EPB41L4B: variants seen among roughly 807,000 people sequenced by gnomAD.
EPB41L4B encodes the protein erythrocyte membrane protein band 4.1 like 4B.
Under a neutral mutation model 112.5 loss-of-function variants are expected in EPB41L4B, and 30 were observed. The observed-to-expected ratio is 0.27, with a 90% confidence interval of 0.20 to 0.36. The LOEUF (loss-of-function observed/expected upper bound fraction) is 0.36. Among genes scored for constraint, EPB41L4B ranks in the 10% least tolerant of loss-of-function variants. The pLI, the probability that EPB41L4B is intolerant of heterozygous loss-of-function variation, is 1.00. For synonymous variants in EPB41L4B, 408 were observed against 439.7 expected, an observed-to-expected ratio of 0.93 and a Z score of 0.90; for missense variants, 1,024 against 1,133.3, an observed-to-expected ratio of 0.90 and a Z score of 1.38.
chr9:109,182,933 G>A (rs2118621367), intron 23 of EPB41L4B, 136 bp from the exon 24 acceptor site: 1 of 657,162 alleles, frequency 1.5e-6, no homozygotes, highest in East Asian at 2.7e-5. Flanking sequence ...TCGTGTAAGG[G>A]CACATACAAA....
At chr9:109,306,545 G>A (rs1026668583) in intron 1 of EPB41L4B, among the ~76,000 whole-genome samples, 28 of 152,080 alleles carry the variant, frequency 1.8e-4, no homozygotes, top group African/African-American at 6.3e-4. Context: ...CCTGGGAGGC[G>A]GAGGTTGCAG....
chr9:109,249,149 T>C (rs1328401599), intron 13 of EPB41L4B, among the ~76,000 whole-genome samples: 1 of 151,344 alleles, frequency 6.6e-6, no homozygotes, highest in Non-Finnish European at 1.5e-5. Flanking sequence ...TGAAATCAAG[T>C]GTTATTGCTG....
intron 15 of EPB41L4B, among the ~76,000 whole-genome samples, 187 bp from the exon 16 acceptor site, chr9:109,217,332 G>A (rs1242051894): frequency 6.6e-6 from 1 of 152,166 alleles, no homozygotes; most frequent in Non-Finnish European, 1.5e-5. Context: ...GTGGAAGTTT[G>A]TATATATCAG....
intron 1 of EPB41L4B, among the ~76,000 whole-genome samples, chr9:109,285,280 C>A (rs1836229248): frequency 6.6e-6 from 1 of 152,182 alleles, no homozygotes; most frequent in South Asian, 2.1e-4. Flanking sequence ...TTCCAAATCT[C>A]ACTTTTCTGA....
intron 1 of EPB41L4B, among the ~76,000 whole-genome samples, chr9:109,296,759 T>C (rs1401344389): frequency 2.0e-5 from 3 of 151,816 alleles, no homozygotes; most frequent in Non-Finnish European, 4.4e-5. Flanking sequence ...TGGTGGCACA[T>C]ATCTGTAGCC....
intron 19 of EPB41L4B, 63 bp from the exon 20 acceptor site, chr9:109,200,397 A>T: frequency 7.8e-7 from 1 of 1,279,158 alleles, no homozygotes; most frequent in Non-Finnish European, 1.1e-6. Context: ...CGTTTTAGCC[A>T]TAGGGACTGC....
At chr9:109,313,362 AAATT>A (rs1376851670) in intron 1 of EPB41L4B, among the ~76,000 whole-genome samples, 1 of 152,244 alleles carries the variant, frequency 6.6e-6, no homozygotes, top group Non-Finnish European at 1.5e-5. Flanking sequence ...GGGACTAGTA[AAATT>A]AATCTAGCTC....
In EPB41L4B at chr9:109,243,665, A is replaced by G. The variant is rs905500656; in HGVS notation, c.1362T>C (p.Asn454=). The change falls in exon 15 of 26, where the codon AAT becomes AAC. Residue 454 remains asparagine, a synonymous_variant. Transcript: ENST00000374566. ...VHNYQPQYHP[N]IHPSQPRWHP... is the part of the protein sequence containing the mutation. ...GCCACCGGGGCTGGCTGGGATGGAT[A>G]TTAGGATGATATTGAGGCTAGAAAT... 1 of 1,614,212 alleles carries G rather than the reference A, an allele frequency of 6.2e-7. No individual in the cohort carries two copies. Among genetic ancestry groups the G allele is most frequent in the East Asian group, 2.2e-5 (1 of 44,890 alleles).
At chr9:109,297,900 A>G (rs1212283718) in intron 1 of EPB41L4B, among the ~76,000 whole-genome samples, 2 of 152,222 alleles carry the variant, frequency 1.3e-5, no homozygotes, top group African/African-American at 4.8e-5. Flanking sequence ...AAGCACATGA[A>G]CTTTTTTCCT....
intron 1 of EPB41L4B, among the ~76,000 whole-genome samples, chr9:109,314,246 G>C (rs1203850472): frequency 6.6e-6 from 1 of 152,258 alleles, no homozygotes; most frequent in African/African-American, 2.4e-5. Context: ...AGGACAAATG[G>C]TAGGCGGAGG....
intron 15 of EPB41L4B, among the ~76,000 whole-genome samples, chr9:109,243,095 C>T (rs185058942): frequency 6.7e-6 from 1 of 149,958 alleles, no homozygotes; most frequent in Non-Finnish European, 1.5e-5. Flanking sequence ...ACAGCGACCA[C>T]AAAGCAGAAT....
At chr9:109,227,701 C>A (rs1047100505) in intron 15 of EPB41L4B, among the ~76,000 whole-genome samples, 26 of 152,032 alleles carry the variant, frequency 1.7e-4, no homozygotes, top group African/African-American at 6.3e-4. Flanking sequence ...CCTGCCTCAG[C>A]CTCTTGAGTA....
At chr9:109,211,483 T>A (rs1487596820) in intron 17 of EPB41L4B, among the ~76,000 whole-genome samples, 1 of 150,266 alleles carries the variant, frequency 6.7e-6, no homozygotes, top group East Asian at 2.0e-4. Context: ...TAATCTCAGC[T>A]ACTTGGGAGG....
intron 13 of EPB41L4B, 32 bp from the exon 14 acceptor site, chr9:109,247,821 AAAAAG>A: frequency 6.9e-7 from 1 of 1,456,356 alleles, no homozygotes; most frequent in South Asian, 1.4e-5. Context: ...AAACAGAAAA[AAAAAG>A]AAAAATAGGT....
At chr9:109,174,939 T>C (rs976308202) in intron 25 of EPB41L4B, among the ~76,000 whole-genome samples, 2 of 123,080 alleles carry the variant, frequency 1.6e-5, no homozygotes, top group Admixed American at 2.0e-4. Flanking sequence ...TTTTTTGAGA[T>C]GGAGTCTCAC....
At chr9:109,190,204 G>A (rs962739884) in intron 22 of EPB41L4B, among the ~76,000 whole-genome samples, 2 of 152,194 alleles carry the variant, frequency 1.3e-5, no homozygotes, top group African/African-American at 4.8e-5. Context: ...CCAGGATAGT[G>A]GTGGGGCCTC....
chr9:109,240,033 A>T, intron 15 of EPB41L4B: 1 of 985,154 alleles, frequency 1.0e-6, no homozygotes, highest in East Asian at 1.1e-4. Flanking sequence ...TGCTCCACCC[A>T]CCTAACTGAA....
intron 2 of EPB41L4B, among the ~76,000 whole-genome samples, chr9:109,278,197 A>G (rs532055317): frequency 6.6e-6 from 1 of 152,084 alleles, no homozygotes; most frequent in South Asian, 2.1e-4. Flanking sequence ...CGGTGGACGG[A>G]GTGAGAGTCT....
chr9:109,314,687 A>T (rs1837568666), intron 1 of EPB41L4B, among the ~76,000 whole-genome samples: 1 of 152,062 alleles, frequency 6.6e-6, no homozygotes, highest in African/African-American at 2.4e-5. Context: ...ATCCAAAAAT[A>T]ACACAAACTC....
Sources: gnomAD v4.1 joint callset for allele counts (sites outside exome capture counted in the v4.1 genomes callset) on GRCh38, gnomAD v4.1.1 for gene constraint, MANE v1.5 for transcripts, NCBI Gene and HGNC (gene_info 2026-07-23, HGNC 2026-07-21) for gene names.